TTC23: variants seen among roughly 807,000 people sequenced by gnomAD.
The protein encoded by TTC23 is tetratricopeptide repeat domain 23, also known as tetratricopeptide repeat protein 23.
Under a neutral mutation model 55.1 loss-of-function variants are expected in TTC23, and 58 were observed. The observed-to-expected ratio is 1.05, with a 90% confidence interval of 0.85 to 1.31. TTC23 has a LOEUF of 1.31. TTC23 is among the 50% of genes most tolerant of loss of function. The pLI, the probability that TTC23 is intolerant of heterozygous loss-of-function variation, is 0.00. For synonymous variants in TTC23, 203 were observed against 199.9 expected, an observed-to-expected ratio of 1.02 and a Z score of -0.13; for missense variants, 516 against 534.4, an observed-to-expected ratio of 0.97 and a Z score of 0.34.
chr15:99,160,343 CAT>C (rs1287585737), intron 11 of TTC23: 2 of 151,836 alleles, frequency 1.3e-5, no homozygotes, highest in African/African-American at 4.8e-5. Flanking sequence ...GAAAAAAATA[CAT>C]AGTCAGCCCT....
At chr15:99,148,715 G>C (rs1555495359) in intron 12 of TTC23, 1 of 152,176 alleles carries the variant, frequency 6.6e-6, no homozygotes, top group Admixed American at 6.5e-5. Flanking sequence ...TTCACCTGAG[G>C]AAAACGTTGG....
At chr15:99,211,904 A>ATCT (rs2077068927) in intron 8 of TTC23, among the ~76,000 whole-genome samples, 1 of 152,152 alleles carries the variant, frequency 6.6e-6, no homozygotes, top group Non-Finnish European at 1.5e-5. Flanking sequence ...CATGTTGACC[A>ATCT]GGCTGGTCTT....
rs2067611143 is a variant in TTC23 at position 99,136,624 on chromosome 15, C to G, written c.*1386G>C. 1 of 152,264 alleles carries G rather than the reference C, an allele frequency of 6.6e-6. No individual in the cohort carries two copies. The highest frequency in any genetic ancestry group is 2.1e-4 in the South Asian group (1 of 4,826). The allele number at this position is 152,264 out of a possible 1,614,324, so 9.4% of individuals were successfully genotyped here. A position where few individuals can be genotyped will look rare whatever the true frequency, so the allele number is the denominator to read the frequency against. ...GGGCTCCACCCTCATAACCTAATCACCTCTCCAAGACCCCACCCCCAATAC... is the reference window on the plus strand; with the variant it reads ...GGGCTCCACCCTCATAACCTAATCAGCTCTCCAAGACCCCACCCCCAATAC... On this transcript the variant is annotated 3_prime_UTR_variant, in exon 14 of 14. Coordinates refer to ENST00000394132, the MANE Select transcript of TTC23 (RefSeq NM_001288615.3).
At chr15:99,212,032 G>C (rs1596716562) in intron 8 of TTC23, among the ~76,000 whole-genome samples, 1 of 152,168 alleles carries the variant, frequency 6.6e-6, no homozygotes, top group African/African-American at 2.4e-5. Context: ...ACACTGCTTA[G>C]AAATACTTGG....
intron 10 of TTC23, among the ~76,000 whole-genome samples, chr15:99,174,732 T>C (rs1369683712): frequency 5.9e-5 from 9 of 151,566 alleles, no homozygotes; most frequent in Admixed American, 5.3e-4. Flanking sequence ...TCTTTAAAAA[T>C]AGATCACCTT....
Position 99,193,931 on chromosome 15 carries a change from C to T in TTC23, c.759+5988G>A, listed in dbSNP as rs192306329. 4.6e-5 allele frequency among the ~76,000 whole-genome samples: 7 copies of T among 152,034 alleles called. No individual in the cohort carries two copies. The East Asian group carries it at 7.7e-4, about 17-fold the overall frequency. ...GGCTGATGCAGGAGAATTACTTGAA[C>T]CTGGGAGGTGGAGGTTGCAGTGAGC... On this transcript the variant is annotated intron_variant, in intron 9 of 13. Coordinates refer to ENST00000394132, the MANE Select transcript of TTC23 (RefSeq NM_001288615.3).
At chr15:99,218,836 T>G (rs2077677085) in intron 7 of TTC23, 62 bp downstream of exon 7, 1 of 1,595,372 alleles carries the variant, frequency 6.3e-7, no homozygotes, top group Non-Finnish European at 8.5e-7. Flanking sequence ...AGCTTTTTAC[T>G]TGGCGTGTAA....
chr15:99,139,826 C>A (rs1188768291), intron 12 of TTC23: 1 of 1,066,300 alleles, frequency 9.4e-7, no homozygotes, highest in Non-Finnish European at 1.3e-6. Flanking sequence ...TGTCTATACT[C>A]TTGACTACAC....
At chr15:99,166,192 G>C (rs2072053627) in intron 10 of TTC23, among the ~76,000 whole-genome samples, 2 of 152,190 alleles carry the variant, frequency 1.3e-5, no homozygotes, top group African/African-American at 4.8e-5. Context: ...CCTGGGGTAG[G>C]AGCCGATCTC....
At chr15:99,221,605 T>C in intron 6 of TTC23, 136 bp downstream of exon 6, 3 of 1,163,964 alleles carry the variant, frequency 2.6e-6, no homozygotes, top group East Asian at 2.5e-5. Flanking sequence ...CAACTCTTTC[T>C]AAAAAGAAAT....
intron 5 of TTC23, among the ~76,000 whole-genome samples, chr15:99,227,547 C>T (rs756448796): frequency 3.3e-5 from 5 of 152,182 alleles, no homozygotes; most frequent in Non-Finnish European, 7.3e-5. Context: ...CAGACCTGCT[C>T]ATGGCATGCT....
intron 9 of TTC23, among the ~76,000 whole-genome samples, chr15:99,187,587 A>C (rs1022807630): frequency 1.3e-5 from 2 of 151,958 alleles, no homozygotes; most frequent in Non-Finnish European, 2.9e-5. Context: ...CACCTCACAG[A>C]TAAGGCTCTA....
chr15:99,248,473 C>T (rs1046839495), intron 1 of TTC23, among the ~76,000 whole-genome samples: 1 of 152,180 alleles, frequency 6.6e-6, no homozygotes, highest in East Asian at 1.9e-4. Flanking sequence ...ACAACTCACT[C>T]ACTAGTAGGG....
At chr15:99,171,522 A>C (rs2072919508) in intron 10 of TTC23, among the ~76,000 whole-genome samples, 2 of 147,352 alleles carry the variant, frequency 1.4e-5, no homozygotes, top group African/African-American at 2.5e-5. Context: ...TGTTACTGTC[A>C]CTATTATGAT....
chr15:99,218,992 A>G lies in TTC23; in HGVS notation c.361T>C (p.Ser121Pro). The G allele has an allele frequency of 1.9e-6, 3 of 1,614,208 alleles. No homozygotes were observed. Among genetic ancestry groups the G allele is most frequent in the Non-Finnish European group, 2.5e-6 (3 of 1,180,028 alleles). Residue 121 changes from serine to proline, a missense_variant, in exon 7 of 14, where the codon TCC becomes CCC. Ser to Pro is a moderately conservative substitution (Grantham distance 74). Transcript: ENST00000394132. ...TTCTCACTATAGGGAGGCACAATGGAGTTGGCGAGGATTTGTCTGGCTTTT... is the reference window on the plus strand; with the variant it reads ...TTCTCACTATAGGGAGGCACAATGGGGTTGGCGAGGATTTGTCTGGCTTTT... ...AEKARQILAN[S>P]IVPPYSENTD...
At chr15:99,169,991 A>G (rs1411364527) in intron 10 of TTC23, among the ~76,000 whole-genome samples, 1 of 152,174 alleles carries the variant, frequency 6.6e-6, no homozygotes, top group Non-Finnish European at 1.5e-5. Flanking sequence ...AAAGGCTGAA[A>G]TGTTCTTGGC....
chr15:99,190,724 C>A (rs900029246), intron 9 of TTC23, among the ~76,000 whole-genome samples: 1 of 152,166 alleles, frequency 6.6e-6, no homozygotes, highest in Non-Finnish European at 1.5e-5. Flanking sequence ...ACAAGACCTA[C>A]ATGCTGCATG....
At chr15:99,216,182 C>T (rs538532998) in intron 8 of TTC23, among the ~76,000 whole-genome samples, 127 of 152,286 alleles carry the variant, frequency 8.3e-4, no homozygotes, top group Admixed American at 1.5e-3. Flanking sequence ...AAACACACAT[C>T]ATTTGAATAA....
intron 9 of TTC23, among the ~76,000 whole-genome samples, chr15:99,183,709 GC>G (rs2151950803): frequency 6.6e-6 from 1 of 152,182 alleles, no homozygotes; most frequent in South Asian, 2.1e-4. Flanking sequence ...AAAATTTGTA[GC>G]CTGACAATGC....
Sources: allele counts gnomAD v4.1 joint callset (sites outside exome capture counted in the v4.1 genomes callset), GRCh38; gene constraint gnomAD v4.1.1; transcripts MANE v1.5; gene names NCBI Gene and HGNC (gene_info 2026-07-23, HGNC 2026-07-21).